SSC4D: variants seen among roughly 807,000 people sequenced by gnomAD.
The protein encoded by SSC4D is scavenger receptor cysteine-rich domain-containing group B protein.
In SSC4D, 57 loss-of-function variants were observed where a neutral mutation model predicts 63.4. That is an observed-to-expected ratio of 0.90 (90% confidence interval 0.73 to 1.12). The LOEUF is 1.12. SSC4D is among the 50% of genes most tolerant of loss of function. SSC4D has a pLI of 0.00. For missense variants in SSC4D, 791 were observed against 806.4 expected (o/e 0.98, Z 0.23); for synonymous variants, 352 against 345.4 (o/e 1.02, Z -0.21).
chr7:76,400,952 G>A, intron 3 of SSC4D, 56 bp downstream of exon 3: 1 of 1,549,586 alleles, frequency 6.5e-7, no homozygotes, highest in Non-Finnish European at 8.7e-7. Flanking sequence ...CCCTGTCTGA[G>A]GCTGGAGTAC....
chr7:76,398,133 C>T (rs1804700699), intron 5 of SSC4D, among the ~76,000 whole-genome samples: 1 of 152,106 alleles, frequency 6.6e-6, no homozygotes, highest in Non-Finnish European at 1.5e-5. Flanking sequence ...TCCAGGAAGC[C>T]TTCCCTGATC....
At chr7:76,401,108 C>T in intron 2 of SSC4D, 65 bp from the exon 3 acceptor site, 1 of 1,480,256 alleles carries the variant, frequency 6.8e-7, no homozygotes, top group Admixed American at 2.4e-5. Flanking sequence ...GTCCCAGGAA[C>T]ACACCCCCCA....
chr7:76,408,467 C>T lies in SSC4D; in HGVS notation c.-67+947G>A, dbSNP rs1805119553. 1.3e-5 allele frequency among the ~76,000 whole-genome samples: 2 copies of T among 152,114 alleles called. 1 individual carries two copies. Among genetic ancestry groups the T allele is most frequent in the Admixed American group, 1.3e-4 (2 of 15,266 alleles). On this transcript the variant is annotated intron_variant, in intron 1 of 10. Coordinates refer to ENST00000275560, the MANE Select transcript of SSC4D (RefSeq NM_080744.2). ...TCTTGGCCTCCTTTTGCCTCCTGGC[C>T]TCAGTGCCACCCACTTCTCAGGCTG...
At position 76,389,973 on chromosome 7, in the gene SSC4D, G is replaced by A; in HGVS notation, c.*86C>T. The A allele has an allele frequency of 6.4e-7, 1 of 1,550,624 alleles. No individual in the cohort carries two copies. ...AAGGGAAGGAGGGGCAAAGTGAACT[G>A]TAGTCATCACAAGAGGAGGGCTTCC... is the stretch of plus-strand genomic sequence containing the variant. On this transcript the variant is annotated 3_prime_UTR_variant, in exon 11 of 11. Transcript: ENST00000275560.
chr7:76,405,367 A>G (rs1332515974), intron 1 of SSC4D, among the ~76,000 whole-genome samples: 1 of 39,420 alleles, frequency 2.5e-5, no homozygotes, highest in Non-Finnish European at 4.5e-5. Context: ...TTTTTGGTAG[A>G]GAGGGTGTTT....
chr7:76,400,056 T>C (rs986269916), intron 4 of SSC4D, among the ~76,000 whole-genome samples: 1 of 152,152 alleles, frequency 6.6e-6, no homozygotes, highest in Admixed American at 6.5e-5. Flanking sequence ...AAGCCTTACA[T>C]AGAAGCAGTA....
intron 1 of SSC4D, among the ~76,000 whole-genome samples, chr7:76,408,148 G>A (rs1805102022): frequency 6.6e-6 from 1 of 152,058 alleles, no homozygotes; most frequent in Admixed American, 6.6e-5. Context: ...GGGGGACATG[G>A]GTGCTTGTCC....
chr7:76,406,858 A>G (rs553279924), intron 1 of SSC4D, among the ~76,000 whole-genome samples: 1 of 151,424 alleles, frequency 6.6e-6, no homozygotes, highest in African/African-American at 2.4e-5. Flanking sequence ...AGTCTCTCAG[A>G]CCTTCCTTCA....
chr7:76,402,157 C>G (rs1804852387), intron 2 of SSC4D, among the ~76,000 whole-genome samples: 1 of 150,672 alleles, frequency 6.6e-6, no homozygotes, highest in South Asian at 2.1e-4. Flanking sequence ...ATAGCTGGGA[C>G]AAGCTCCTGC....
intron 3 of SSC4D, 140 bp downstream of exon 3, chr7:76,400,868 G>A (rs1804801204): frequency 8.0e-7 from 1 of 1,243,372 alleles, no homozygotes. Flanking sequence ...CTGGAAAATG[G>A]GGAGACTACA....
intron 4 of SSC4D, among the ~76,000 whole-genome samples, chr7:76,399,165 C>T (rs1804735573): frequency 6.6e-6 from 1 of 152,218 alleles, no homozygotes; most frequent in African/African-American, 2.4e-5. Context: ...GTGCCTGCCA[C>T]CATGCCCAGC....
chr7:76,406,356 T>G (rs1805031968), intron 1 of SSC4D, among the ~76,000 whole-genome samples: 3 of 152,228 alleles, frequency 2.0e-5, no homozygotes, highest in African/African-American at 7.2e-5. Context: ...CATGTATTGT[T>G]TTATTTTCAA....
Position 76,393,422 on chromosome 7 carries a change from G to A in SSC4D, c.1316C>T (p.Ala439Val). 2 of 1,489,798 alleles carry A rather than the reference G, an allele frequency of 1.3e-6. No individual in the cohort carries two copies. The highest frequency in any genetic ancestry group is 1.3e-5 in the South Asian group (1 of 77,824). 92.3% of individuals were successfully genotyped at this position (1,489,798 alleles called of 1,614,324 possible). A position where few individuals can be genotyped will look rare whatever the true frequency, so the allele number is the denominator to read the frequency against. Residue 439 changes from alanine to valine, a missense_variant, in exon 9 of 11, where the codon GCG (alanine) becomes GTG (valine). By Grantham distance (64) the Ala-to-Val change is moderately conservative. Transcript: ENST00000275560. ...GQHNCGHHED[A>V]GALCAGPEEL... ...AGCCTCACCTGCGCAGAGCGCTCCC[G>A]CGTCCTCGTGGTGGCCGCAGTTGTG...
chr7:76,392,234 C>G (rs536456770), intron 9 of SSC4D, among the ~76,000 whole-genome samples, 193 bp from the exon 10 acceptor site: 3 of 152,114 alleles, frequency 2.0e-5, no homozygotes, highest in Non-Finnish European at 4.4e-5. Flanking sequence ...TGGCTCACAC[C>G]TGTAGTCCCA....
rs1584026104 is a variant in SSC4D at position 76,400,280 on chromosome 7, A to C, written c.475+6T>G. ...CTGTCCCTCCAGGTCCCAGGGCTCCACTCACCATCACACAGGACAGCCACA... is the reference window on the plus strand; with the variant it reads ...CTGTCCCTCCAGGTCCCAGGGCTCCCCTCACCATCACACAGGACAGCCACA... On this transcript the variant is annotated splice_donor_region_variant and intron_variant, in intron 4 of 10. Transcript: ENST00000275560. 6.9e-7 allele frequency: 1 copy of C among 1,459,032 alleles called. No individual in the cohort carries two copies. The highest frequency in any genetic ancestry group is 2.6e-5 in the East Asian group (1 of 38,880). The allele number at this position is 1,459,032 out of a possible 1,614,324, so 90.4% of individuals were successfully genotyped here. A position where few individuals can be genotyped will look rare whatever the true frequency, so the allele number is the denominator to read the frequency against.
chr7:76,404,534 G>C, intron 1 of SSC4D, 29 bp from the exon 2 acceptor site: 1 of 1,594,834 alleles, frequency 6.3e-7, no homozygotes, highest in Non-Finnish European at 8.5e-7. Context: ...AATGTTGCTG[G>C]GCCTCCCAGC....
intron 5 of SSC4D, among the ~76,000 whole-genome samples, chr7:76,398,254 C>A (rs1804703634): frequency 6.6e-6 from 1 of 151,784 alleles, no homozygotes; most frequent in African/African-American, 2.4e-5. Flanking sequence ...CATTCTTGGG[C>A]TCATCTGACC....
At chr7:76,394,006 C>A in intron 7 of SSC4D, 102 bp from the exon 8 acceptor site, 1 of 1,177,286 alleles carries the variant, frequency 8.5e-7, no homozygotes, top group East Asian at 2.8e-5. Flanking sequence ...CCCTACCACA[C>A]CCGTACCCCC....
At chr7:76,405,271 T>TTATATATATATATATA (rs1171830870) in intron 1 of SSC4D, among the ~76,000 whole-genome samples, 2 of 9,140 alleles carry the variant, frequency 2.2e-4, no homozygotes, top group Non-Finnish European at 5.3e-4. Flanking sequence ...ACCCAGCTAA[T>TTATATATATATATATA]TATATATATA....
Sources: allele counts gnomAD v4.1 joint callset (sites outside exome capture counted in the v4.1 genomes callset), GRCh38; gene constraint gnomAD v4.1.1; transcripts MANE v1.5; gene names NCBI Gene and HGNC (gene_info 2026-07-23, HGNC 2026-07-21).